The following DOCK8 variants were observed in gnomAD, a reference collection of about 807,000 sequenced individuals.
DOCK8 encodes the protein dedicator of cytokinesis 8.
Under a neutral mutation model 245.6 loss-of-function variants are expected in DOCK8, and 141 were observed. That is an observed-to-expected ratio of 0.57 (90% CI 0.50 to 0.66). The LOEUF is 0.66. Among genes scored for constraint, DOCK8 ranks in the 30% least tolerant of loss-of-function variants. The probability of loss-of-function intolerance (pLI) is 0.00; values close to 1 mark genes in which losing one functional copy is unlikely to be tolerated. For missense variants in DOCK8, 2,965 were observed against 2,603.4 expected (o/e 1.14, Z -3.02); for synonymous variants, 1,168 against 970.2 (o/e 1.20, Z -3.79).
chr9:394,917 A>G (rs2054376017), intron 24 of DOCK8, among the ~76,000 whole-genome samples: 2 of 152,210 alleles, frequency 1.3e-5, no homozygotes, highest in African/African-American at 2.4e-5. Context: ...TATTGTGAGA[A>G]TTATGTATTT....
At chr9:414,708 C>G (rs983069112) in intron 28 of DOCK8, 74 bp from the exon 29 acceptor site, 1 of 1,590,110 alleles carries the variant, frequency 6.3e-7, no homozygotes, top group African/African-American at 1.3e-5. Context: ...GTTTTCATCA[C>G]TCTTGACTGT....
intron 22 of DOCK8, among the ~76,000 whole-genome samples, chr9:384,163 T>G (rs1008886630): frequency 6.6e-6 from 1 of 152,202 alleles, no homozygotes; most frequent in African/African-American, 2.4e-5. Flanking sequence ...GGTCAAGTAT[T>G]TTGTAGATTG....
intron 26 of DOCK8, among the ~76,000 whole-genome samples, chr9:400,995 C>CCACCTCCTCCACCAT (rs2055051770): frequency 1.8e-5 from 1 of 54,636 alleles, no homozygotes; most frequent in East Asian, 6.4e-4. Flanking sequence ...TCCTCCACCA[C>CCACCTCCTCCACCAT]CACCACCATT....
chr9:289,247 CG>C (rs1407237528), intron 3 of DOCK8, among the ~76,000 whole-genome samples: 1 of 152,084 alleles, frequency 6.6e-6, no homozygotes, highest in African/African-American at 2.4e-5. Context: ...TGAATGCCTT[CG>C]GGGATAGTTA....
intron 22 of DOCK8, among the ~76,000 whole-genome samples, chr9:385,025 T>C (rs1007259309): frequency 1.5e-4 from 23 of 152,270 alleles, no homozygotes; most frequent in Non-Finnish European, 1.0e-4. Flanking sequence ...TCTATCCTTT[T>C]TGACTTACAA....
intron 2 of DOCK8, among the ~76,000 whole-genome samples, chr9:285,507 G>T (rs184103976): frequency 1.4e-4 from 21 of 152,146 alleles, no homozygotes; most frequent in African/African-American, 4.8e-4. Flanking sequence ...TCCAAAGACT[G>T]CCATAAATGA....
At chr9:331,728 A>G (rs906990455) in intron 9 of DOCK8, among the ~76,000 whole-genome samples, 7 of 152,246 alleles carry the variant, frequency 4.6e-5, no homozygotes, top group African/African-American at 1.4e-4. Context: ...AAGACAGAAG[A>G]CACTTCATTC....
At chr9:331,801 C>G (rs995788854) in intron 9 of DOCK8, among the ~76,000 whole-genome samples, 4 of 152,166 alleles carry the variant, frequency 2.6e-5, no homozygotes, top group African/African-American at 9.7e-5. Context: ...GCTGCACATC[C>G]CAATGCTTTT....
At chr9:427,252 A>G (rs1371393916) in intron 34 of DOCK8, among the ~76,000 whole-genome samples, 1 of 152,178 alleles carries the variant, frequency 6.6e-6, no homozygotes, top group Admixed American at 6.5e-5. Flanking sequence ...CTGTGTGAGT[A>G]TGTACCAAGT....
At chr9:392,488 T>A (rs1414500779) in intron 24 of DOCK8, among the ~76,000 whole-genome samples, 1 of 152,156 alleles carries the variant, frequency 6.6e-6, no homozygotes, top group Non-Finnish European at 1.5e-5. Flanking sequence ...AAAGCAGAGA[T>A]TCTTTCTCAA....
At chr9:247,893 A>T (rs2047544095) in intron 1 of DOCK8, among the ~76,000 whole-genome samples, 1 of 151,998 alleles carries the variant, frequency 6.6e-6, no homozygotes, top group Admixed American at 6.6e-5. Flanking sequence ...TTATAGTATT[A>T]TCATTAATAA....
chr9:313,451 C>G (rs1476620030), intron 6 of DOCK8, among the ~76,000 whole-genome samples: 1 of 152,288 alleles, frequency 6.6e-6, no homozygotes, highest in South Asian at 2.1e-4. Flanking sequence ...CCTTGGTTTC[C>G]TCATCTATTT....
intron 1 of DOCK8, among the ~76,000 whole-genome samples, chr9:267,418 C>T (rs1431857504): frequency 1.3e-5 from 2 of 152,178 alleles, no homozygotes; most frequent in Non-Finnish European, 2.9e-5. Flanking sequence ...GTTGCCCAGG[C>T]TGGTCTCAAA....
intron 47 of DOCK8, 148 bp from the exon 48 acceptor site, chr9:464,011 C>G (rs1372244570): frequency 1.2e-5 from 10 of 801,350 alleles, no homozygotes; most frequent in Non-Finnish European, 2.0e-5. Flanking sequence ...GGTCGCAGAC[C>G]TTTCACTTAT....
At position 245,466 on chromosome 9, in the gene DOCK8, C is replaced by A. The variant is rs1391893408; in HGVS notation, c.54-26161C>A. Among the ~76,000 whole-genome samples, 4 of 152,258 alleles carry A rather than the reference C, an allele frequency of 2.6e-5. No homozygotes were observed. In the South Asian group the frequency reaches 8.3e-4, roughly 32 times the overall value. ...CAGGTGATCTGCCCTCCTCAGCCTC[C>A]CAAAGTGCTGGGATTACATGCATGA... On this transcript the variant is annotated intron_variant, in intron 1 of 47. Transcript: ENST00000432829.
At chr9:375,068 T>C (rs1185677925) in intron 18 of DOCK8, among the ~76,000 whole-genome samples, 2 of 152,186 alleles carry the variant, frequency 1.3e-5, no homozygotes, top group South Asian at 2.1e-4. Flanking sequence ...AAGCAGTCTT[T>C]TATAGGAAAT....
At chr9:215,482 C>CA in intron 1 of DOCK8, 1 of 1,472,128 alleles carries the variant, frequency 6.8e-7, no homozygotes, top group Non-Finnish European at 9.0e-7. Context: ...AGGCAGGCTG[C>CA]AAGCCTTCTG....
rs752969721 is a variant in DOCK8, at chr9:376,229, C to T, written c.2129C>T (p.Pro710Leu). ...ACACAGAAAGTCCCATTACAGAATC[C>T]TCCCATTAAGTGGGCTGAAGGACAT... is the stretch of plus-strand genomic sequence containing the variant. ...HSAEKVPLQN[P>L]PIKWAEGHKG... is the part of the protein sequence containing the mutation. The change falls in exon 19 of 48, where the codon CCT becomes CTT. Residue 710 changes from proline to leucine, a missense_variant. Pro to Leu is a moderately conservative substitution (Grantham distance 98, BLOSUM62 -3). Around this residue, in one of 3 missense-constraint regions of DOCK8, gnomAD observed 2,825 missense variants for 2,453.5 expected, o/e 1.15. Transcript: ENST00000432829. 6.2e-7 allele frequency: 1 copy of T among 1,612,104 alleles called. No homozygotes were observed. Among genetic ancestry groups the T allele is most frequent in the Admixed American group, 1.7e-5 (1 of 59,982 alleles).
chr9:383,523 A>C (rs367685239), intron 22 of DOCK8, among the ~76,000 whole-genome samples: 6 of 151,526 alleles, frequency 4.0e-5, no homozygotes, highest in Non-Finnish European at 8.8e-5. Context: ...CAAGAGCAAA[A>C]CTCTGTCTCA....
Sources: allele counts gnomAD v4.1 joint callset (sites outside exome capture counted in the v4.1 genomes callset), GRCh38; gene constraint gnomAD v4.1.1; regional missense constraint gnomAD v4.1.1; transcripts MANE v1.5; gene names NCBI Gene and HGNC (gene_info 2026-07-23, HGNC 2026-07-21).